ATP2B2: variants seen among roughly 807,000 people sequenced by gnomAD.
ATP2B2 encodes the protein plasma membrane calcium-transporting ATPase 2.
A neutral mutation model predicts 120.0 loss-of-function variants in ATP2B2; 15 were observed. That is an observed-to-expected ratio of 0.12 (90% CI 0.08 to 0.19). ATP2B2 has a LOEUF of 0.19. Among genes scored for constraint, ATP2B2 ranks in the 10% least tolerant of loss-of-function variants. ATP2B2 has a pLI of 1.00. For synonymous variants in ATP2B2, 694 were observed against 700.3 expected, an observed-to-expected ratio of 0.99 and a Z score of 0.14; for missense variants, 1,045 against 1,719.8, an observed-to-expected ratio of 0.61 and a Z score of 6.94.
At position 10,358,828 on chromosome 3, in the gene ATP2B2, C is replaced by T. The variant is rs376966138; in HGVS notation, c.1999G>A (p.Asp667Asn). Residue 667 changes from aspartate (D) to asparagine (N), a missense_variant, in exon 14 of 23, where the codon GAT (aspartate) becomes AAT (asparagine). Physicochemically the swap from Asp to Asn is conservative, Grantham distance 23 (BLOSUM62 1). Around this residue, in one of 11 missense-constraint regions of ATP2B2, gnomAD observed 343 missense variants for 536.8 expected, o/e 0.64. Transcript: ENST00000360273. ...VKKVIEPMAC[D>N]GLRTICVAYR... is the part of the protein sequence containing the mutation. ...GCCACGCAGATAGTGCGGAGCCCAT[C>T]GCAAGCCATGGGCTCAATCACCTTC... The T allele has an allele frequency of 6.8e-6, 11 of 1,614,090 alleles. No individual in the cohort carries two copies. The highest frequency in any genetic ancestry group is 1.7e-5 in the Admixed American group (1 of 60,014).
chr3:10,465,800 T>C (rs2064711290), intron 1 of ATP2B2, among the ~76,000 whole-genome samples: 1 of 152,188 alleles, frequency 6.6e-6, no homozygotes, highest in South Asian at 2.1e-4. Flanking sequence ...TGCTACGAAA[T>C]GGGTGCTAGG....
At chr3:10,652,805 T>C (rs752982993) in intron 1 of ATP2B2, among the ~76,000 whole-genome samples, 2 of 152,138 alleles carry the variant, frequency 1.3e-5, no homozygotes, top group Non-Finnish European at 2.9e-5. Context: ...AAAGGATGAA[T>C]GTTGAGGATG....
intron 1 of ATP2B2, among the ~76,000 whole-genome samples, chr3:10,475,413 G>A (rs2065168684): frequency 6.6e-6 from 1 of 152,190 alleles, no homozygotes; most frequent in Non-Finnish European, 1.5e-5. Flanking sequence ...TCTCTGGCTG[G>A]GGAACAGGTA....
At chr3:10,622,106 C>G (rs1324385825) in intron 1 of ATP2B2, among the ~76,000 whole-genome samples, 1 of 152,198 alleles carries the variant, frequency 6.6e-6, no homozygotes, top group Non-Finnish European at 1.5e-5. Context: ...CCAGCACCTT[C>G]CAGCCGTGCT....
chr3:10,660,711 C>A (rs1405385525), intron 1 of ATP2B2, among the ~76,000 whole-genome samples: 1 of 152,152 alleles, frequency 6.6e-6, no homozygotes, highest in Non-Finnish European at 1.5e-5. Context: ...CTATTCCAAT[C>A]AATAGAAAAA....
chr3:10,570,039 A>G (rs1246971055), intron 2 of ATP2B2: 1 of 152,294 alleles, frequency 6.6e-6, no homozygotes, highest in East Asian at 1.9e-4. Flanking sequence ...CCCCTAGGAC[A>G]CTGGTCATTT....
chr3:10,695,251 G>GGAGAGAGAGAGAGAGA (rs140200422), intron 1 of ATP2B2, among the ~76,000 whole-genome samples: 1 of 126,910 alleles, frequency 7.9e-6, no homozygotes, highest in African/African-American at 3.4e-5. Flanking sequence ...AGGGAGGGAG[G>GGAGAGAGAGAGAGAGA]GAGAGAGAGA....
At chr3:10,495,309 A>C (rs1183085265) in intron 1 of ATP2B2, among the ~76,000 whole-genome samples, 1 of 152,124 alleles carries the variant, frequency 6.6e-6, no homozygotes, top group East Asian at 1.9e-4. Flanking sequence ...CTACTCTGCA[A>C]CCTTGGTCAA....
In ATP2B2 at chr3:10,340,850, C is replaced by A; in HGVS notation, c.2918-146G>T. On this transcript the variant is annotated intron_variant, in intron 19 of 22. Coordinates refer to ENST00000360273, the MANE Select transcript of ATP2B2 (RefSeq NM_001001331.4). The surrounding 1 kb of genome is among the most constrained non-coding windows in gnomAD (Gnocchi z 5.0). ...ATGCTTGGACAGTGGGGGGCCAGGG[C>A]TGTGCTGTCAGCTGGTCAGAGACTA... 1.2e-6 allele frequency: 1 copy of A among 815,520 alleles called. No individual in the cohort carries two copies. The allele number at this position is 815,520 out of a possible 1,614,324, so 50.5% of individuals were successfully genotyped here. A position where few individuals can be genotyped will look rare whatever the true frequency, so the allele number is the denominator to read the frequency against.
At chr3:10,659,435 G>T (rs535321574) in intron 1 of ATP2B2, among the ~76,000 whole-genome samples, 1 of 152,078 alleles carries the variant, frequency 6.6e-6, no homozygotes, top group African/African-American at 2.4e-5. Context: ...AAAAGGCAGG[G>T]GTTGCAATCC....
At chr3:10,622,087 C>T (rs1324876010) in intron 1 of ATP2B2, among the ~76,000 whole-genome samples, 1 of 152,178 alleles carries the variant, frequency 6.6e-6, no homozygotes, top group East Asian at 1.9e-4. Flanking sequence ...AACTGGCCAC[C>T]TGTCACGCCC....
chr3:10,423,058 G>A (rs912245020), intron 2 of ATP2B2, among the ~76,000 whole-genome samples: 9 of 152,192 alleles, frequency 5.9e-5, no homozygotes, highest in Non-Finnish European at 1.0e-4. Context: ...ACCAAAGAAT[G>A]GGGGGATCTA....
intron 1 of ATP2B2, among the ~76,000 whole-genome samples, chr3:10,631,663 C>T (rs2069868826): frequency 6.6e-6 from 1 of 152,216 alleles, no homozygotes; most frequent in Non-Finnish European, 1.5e-5. Flanking sequence ...TGGCCCTGCA[C>T]AAGTCCTGGC....
At chr3:10,598,630 T>G (rs886854518) in intron 2 of ATP2B2, among the ~76,000 whole-genome samples, 7 of 152,216 alleles carry the variant, frequency 4.6e-5, no homozygotes, top group African/African-American at 1.7e-4. Context: ...ACCTTTGAGC[T>G]TTCATCCCTG....
At chr3:10,478,246 A>C (rs2065276378) in intron 1 of ATP2B2, among the ~76,000 whole-genome samples, 1 of 152,186 alleles carries the variant, frequency 6.6e-6, no homozygotes, top group Non-Finnish European at 1.5e-5. Context: ...GAGTTGTAGG[A>C]GTTCTCGACA....
At chr3:10,335,528 C>T (rs2060092182) in intron 22 of ATP2B2, among the ~76,000 whole-genome samples, 1 of 152,188 alleles carries the variant, frequency 6.6e-6, no homozygotes, top group South Asian at 2.1e-4. Flanking sequence ...TCAACTGTCC[C>T]CCTTGACCAT....
chr3:10,564,896 T>C (rs891532658), intron 2 of ATP2B2, among the ~76,000 whole-genome samples: 2 of 152,236 alleles, frequency 1.3e-5, no homozygotes, highest in African/African-American at 4.8e-5. Flanking sequence ...GAGAGTTGTC[T>C]GGGTACACGG....
At chr3:10,498,832 T>A (rs9871076) in intron 1 of ATP2B2, among the ~76,000 whole-genome samples, 81,909 of 152,052 alleles carry the variant, frequency 0.54, 23,071 homozygotes, top group African/African-American at 0.7. Context: ...TGCTCCCAAT[T>A]TTCCCAAATC....
intron 22 of ATP2B2, among the ~76,000 whole-genome samples, chr3:10,334,858 C>A (rs1003366593): frequency 5.9e-5 from 9 of 152,022 alleles, no homozygotes; most frequent in Non-Finnish European, 1.3e-4. Flanking sequence ...GGGGTAGAGG[C>A]CCTTTATAAA....
Sources: gnomAD v4.1 joint callset for allele counts (sites outside exome capture counted in the v4.1 genomes callset) on GRCh38, gnomAD v4.1.1 for gene constraint, gnomAD v4.1.1 regional missense constraint, Gnocchi (gnomAD v3.1) non-coding constraint, MANE v1.5 for transcripts, NCBI Gene and HGNC (gene_info 2026-07-23, HGNC 2026-07-21) for gene names.